The following PCBP3 variants were observed in gnomAD, a reference collection of about 807,000 sequenced individuals.
PCBP3 encodes poly(rC) binding protein 3.
Under a neutral mutation model 52.7 loss-of-function variants are expected in PCBP3, and 25 were observed. The observed-to-expected ratio is 0.47, with a 90% CI of 0.35 to 0.66. The LOEUF is 0.66. PCBP3 is among the 30% of genes least tolerant of loss of function. The pLI is 0.01. For missense variants in PCBP3, 391 were observed against 490.3 expected (o/e 0.80, Z 1.91); for synonymous variants, 162 against 183.0 (o/e 0.89, Z 0.93).
rs148494189 is a variant in PCBP3, at chr21:45,659,869, G to A, written c.-278-9005G>A. On this transcript the variant is annotated intron_variant, in intron 1 of 17. Transcript: ENST00000681687. ...GGACTTATTTTCTTGGCTAACACCT[G>A]GTCTGTTCTAGAGAATGTTCCATGT... is the stretch of plus-strand genomic sequence containing the variant. Among the ~76,000 whole-genome samples the A allele has an allele frequency of 3.4e-3, 520 of 152,034 alleles. 3 individuals carry two copies. The highest frequency in any genetic ancestry group is 0.012 in the African/African-American group (489 of 41,450).
chr21:45,807,158 A>G (rs2092532637), intron 4 of PCBP3, among the ~76,000 whole-genome samples: 1 of 152,206 alleles, frequency 6.6e-6, no homozygotes, highest in Non-Finnish European at 1.5e-5. Flanking sequence ...CACCACTCCT[A>G]TTCAACATAG....
chr21:45,772,206 C>T (rs2089926370), intron 4 of PCBP3, among the ~76,000 whole-genome samples: 1 of 152,172 alleles, frequency 6.6e-6, no homozygotes, highest in Admixed American at 6.5e-5. Flanking sequence ...TCTTCATCCT[C>T]TCCCCTAACC....
chr21:45,792,840 C>T (rs1444015652), intron 4 of PCBP3, among the ~76,000 whole-genome samples: 1 of 152,194 alleles, frequency 6.6e-6, no homozygotes, highest in Non-Finnish European at 1.5e-5. Flanking sequence ...AGGTATCCCC[C>T]TCAAACCCCC....
rs1183363220 is a variant in PCBP3 at position 45,816,083 on chromosome 21, ATGAGTGGTGAGTGGTGAG to A, written c.-125-33843_-125-33826del. Among the ~76,000 whole-genome samples, 13 of 57,020 alleles carry A rather than the reference ATGAGTGGTGAGTGGTGAG, an allele frequency of 2.3e-4. No homozygotes were observed. The South Asian group carries it at 4.2e-3, about 18-fold the overall frequency. The allele number at this position is 57,020 out of a possible 152,430, so 37.4% of individuals were successfully genotyped here. ...GTGAGTGATGAGTGAGTGGTGAGTG[ATGAGTGGTGAGTGGTGAG>A]TGAGTGGTGAGTGGTGAGTGAGTGG... On this transcript the variant is annotated intron_variant, in intron 4 of 17. Coordinates refer to ENST00000681687, the MANE Select transcript of PCBP3 (RefSeq NM_001384156.1).
At chr21:45,842,261 A>G (rs763842239) in intron 4 of PCBP3, among the ~76,000 whole-genome samples, 11 of 152,228 alleles carry the variant, frequency 7.2e-5, no homozygotes, top group Non-Finnish European at 1.3e-4. Flanking sequence ...GGAGACTACA[A>G]GTACGATTTG....
intron 1 of PCBP3, among the ~76,000 whole-genome samples, chr21:45,646,375 G>A (rs1183644261): frequency 2.6e-5 from 4 of 151,840 alleles, no homozygotes; most frequent in Non-Finnish European, 4.4e-5. Flanking sequence ...GCTTGAGTAT[G>A]GGCATCAAGT....
rs893602132 is a variant in PCBP3 at position 45,817,352 on chromosome 21, C to T, written c.-125-32609C>T. 3.3e-5 allele frequency among the ~76,000 whole-genome samples: 5 copies of T among 152,196 alleles called. No individual in the cohort carries two copies. The highest frequency in any genetic ancestry group is 5.9e-5 in the Non-Finnish European group (4 of 68,016). ...CCTCGTGGTACCACATGACATTTAG[C>T]GTGTCTGTTCACCTCATACTCCCCA... is the stretch of plus-strand genomic sequence containing the variant. On this transcript the variant is annotated intron_variant, in intron 4 of 17. Coordinates refer to ENST00000681687, the MANE Select transcript of PCBP3 (RefSeq NM_001384156.1). The surrounding 1 kb of genome is among the most constrained non-coding windows in gnomAD (Gnocchi z 4.3).
At position 45,917,361 on chromosome 21, in the gene PCBP3, G is replaced by T; in HGVS notation, c.676-227G>T. ...CTGAACTGTTTCCCTCCCACCCGCT[G>T]AACTGGCCAGCTCAGCTCTGCCCGC... On this transcript the variant is annotated intron_variant, in intron 12 of 17. Transcript: ENST00000681687. The surrounding 1 kb of genome is among the most constrained non-coding windows in gnomAD (Gnocchi z 5.3). 2 of 428,324 alleles carry T rather than the reference G, an allele frequency of 4.7e-6. No individual in the cohort carries two copies. The highest frequency in any genetic ancestry group is 8.7e-6 in the Non-Finnish European group (2 of 230,654). The allele number at this position is 428,324 out of a possible 1,614,324, so 26.5% of individuals were successfully genotyped here. A position where few individuals can be genotyped will look rare whatever the true frequency, so the allele number is the denominator to read the frequency against.
intron 9 of PCBP3, among the ~76,000 whole-genome samples, chr21:45,906,553 C>A (rs1366647357): frequency 6.6e-6 from 1 of 152,194 alleles, no homozygotes; most frequent in South Asian, 2.1e-4. Flanking sequence ...TTTGGTGGAA[C>A]CTCTCGGAGC....
chr21:45,824,043 G>A (rs1212675073), intron 4 of PCBP3, among the ~76,000 whole-genome samples: 3 of 152,148 alleles, frequency 2.0e-5, no homozygotes, highest in African/African-American at 7.2e-5. Flanking sequence ...GGCTCGGCCT[G>A]TTTGTTTCTT....
At chr21:45,847,941 T>C (rs1170957250) in intron 4 of PCBP3, among the ~76,000 whole-genome samples, 1 of 152,224 alleles carries the variant, frequency 6.6e-6, no homozygotes, top group Non-Finnish European at 1.5e-5. Flanking sequence ...TCTTTGTTTC[T>C]TGGGTCTTTG....
Position 45,704,081 on chromosome 21 carries a change from T to C in PCBP3, c.-199-31311T>C, listed in dbSNP as rs1006265560. Among the ~76,000 whole-genome samples the C allele has an allele frequency of 2.6e-5, 4 of 152,124 alleles. No homozygotes were observed. The highest frequency in any genetic ancestry group is 5.9e-5 in the Non-Finnish European group (4 of 68,018). ...GGATGGAGGCTGGCCCTCTGGCTGA[T>C]GTCAAGAGGTCAGAAGGGAAGACAC... On this transcript the variant is annotated intron_variant, in intron 2 of 17. Coordinates refer to ENST00000681687, the MANE Select transcript of PCBP3 (RefSeq NM_001384156.1). This position sits in a 1 kb window ranked among gnomAD's most constrained non-coding sequence, Gnocchi z 4.1.
chr21:45,798,135 G>A (rs1192863637), intron 4 of PCBP3, among the ~76,000 whole-genome samples: 9 of 141,894 alleles, frequency 6.3e-5, no homozygotes, highest in Non-Finnish European at 1.4e-4. Flanking sequence ...TGTATCCATA[G>A]AGAGTGAATG....
At chr21:45,819,064 G>A (rs1268620613) in intron 4 of PCBP3, among the ~76,000 whole-genome samples, 2 of 152,208 alleles carry the variant, frequency 1.3e-5, no homozygotes, top group African/African-American at 2.4e-5. Context: ...AAATACTCCG[G>A]GTGATGCTGT....
At chr21:45,663,810 A>T (rs943773406) in intron 1 of PCBP3, among the ~76,000 whole-genome samples, 1 of 152,068 alleles carries the variant, frequency 6.6e-6, no homozygotes, top group Admixed American at 6.6e-5. Context: ...AGGTAATGTG[A>T]TGCCTCTAGC....
At chr21:45,679,561 T>C (rs2147494901) in intron 2 of PCBP3, among the ~76,000 whole-genome samples, 1 of 152,368 alleles carries the variant, frequency 6.6e-6, no homozygotes, top group Admixed American at 6.5e-5. Flanking sequence ...TGCTTTAATT[T>C]AATATTTGCT....
In PCBP3 at chr21:45,817,956, C is replaced by T. The variant is rs1569265616; in HGVS notation, c.-125-32005C>T. Among the ~76,000 whole-genome samples the T allele has an allele frequency of 6.6e-6, 1 of 152,150 alleles. No individual in the cohort carries two copies. The highest frequency in any genetic ancestry group is 2.4e-5 in the African/African-American group (1 of 41,418). On this transcript the variant is annotated intron_variant, in intron 4 of 17. Coordinates refer to ENST00000681687, the MANE Select transcript of PCBP3 (RefSeq NM_001384156.1). This position sits in a 1 kb window ranked among gnomAD's most constrained non-coding sequence, Gnocchi z 4.3. ...GAGCGTGCCACCTCCTCCCCTCATA[C>T]AGAGCTTCTCCTGTTACGTACATCT...
chr21:45,815,827 GGTGA>G (rs1443408393), intron 4 of PCBP3, among the ~76,000 whole-genome samples: 1 of 122,290 alleles, frequency 8.2e-6, no homozygotes, highest in Admixed American at 7.6e-5. Context: ...AGTGGTGAGT[GGTGA>G]GTGAGTGGTG....
intron 5 of PCBP3, among the ~76,000 whole-genome samples, chr21:45,850,968 G>A (rs1440274267): frequency 1.4e-4 from 21 of 152,210 alleles, no homozygotes; most frequent in Admixed American, 1.2e-3. Flanking sequence ...CTTTAGGGCT[G>A]AGTGATTATG....
Sources: gnomAD v4.1 joint callset for allele counts (sites outside exome capture counted in the v4.1 genomes callset) on GRCh38, gnomAD v4.1.1 for gene constraint, Gnocchi (gnomAD v3.1) non-coding constraint, MANE v1.5 for transcripts, NCBI Gene and HGNC (gene_info 2026-07-23, HGNC 2026-07-21) for gene names.